The following TMEM135 variants were observed in gnomAD, a reference collection of about 807,000 sequenced individuals.
TMEM135 encodes the protein transmembrane protein 135, also known as peroxisomal membrane protein 52.
In TMEM135, 30 loss-of-function variants were observed where a neutral mutation model predicts 60.3. The observed-to-expected ratio is 0.50, with a 90% CI of 0.37 to 0.68. TMEM135 has a LOEUF of 0.68. Among genes scored for constraint, TMEM135 ranks in the 30% least tolerant of loss-of-function variants. The probability of loss-of-function intolerance (pLI) is 0.00; values close to 1 mark genes in which losing one functional copy is unlikely to be tolerated. For missense variants in TMEM135, 468 were observed against 548.8 expected, an observed-to-expected ratio of 0.85 and a Z score of 1.47; for synonymous variants, 190 against 186.7, an observed-to-expected ratio of 1.02 and a Z score of -0.14.
intron 5 of TMEM135, among the ~76,000 whole-genome samples, chr11:87,227,815 TGAA>T (rs1940797642): frequency 6.6e-6 from 1 of 152,198 alleles, no homozygotes; most frequent in African/African-American, 2.4e-5. Flanking sequence ...TCAGAAAAGT[TGAA>T]GATGCTTAGC....
intron 4 of TMEM135, among the ~76,000 whole-genome samples, chr11:87,154,606 G>A (rs1228011410): frequency 2.0e-5 from 3 of 152,246 alleles, no homozygotes; most frequent in South Asian, 2.1e-4. Context: ...GTGTACAAGG[G>A]TTCCAATTTC....
At chr11:87,058,515 G>C (rs935481364) in intron 1 of TMEM135, among the ~76,000 whole-genome samples, 10 of 152,204 alleles carry the variant, frequency 6.6e-5, no homozygotes, top group African/African-American at 2.2e-4. Context: ...ATTTTTAGTA[G>C]AGACTGGGTT....
intron 5 of TMEM135, among the ~76,000 whole-genome samples, chr11:87,230,472 C>G (rs1047357298): frequency 3.3e-5 from 5 of 152,120 alleles, no homozygotes; most frequent in African/African-American, 1.2e-4. Context: ...GCTAGTCACA[C>G]TATTAGGCTT....
chr11:87,073,338 A>G (rs1347279812), intron 3 of TMEM135, among the ~76,000 whole-genome samples: 1 of 152,106 alleles, frequency 6.6e-6, no homozygotes, highest in East Asian at 1.9e-4. Context: ...CGGCCCATGA[A>G]GCCACTCTTA....
intron 6 of TMEM135, among the ~76,000 whole-genome samples, chr11:87,266,510 A>G (rs908955352): frequency 1.3e-5 from 2 of 152,148 alleles, no homozygotes; most frequent in African/African-American, 4.8e-5. Flanking sequence ...CTGGCCATCA[A>G]ACTTTAGAAT....
At chr11:87,053,788 C>G (rs963253456) in intron 1 of TMEM135, among the ~76,000 whole-genome samples, 1 of 152,106 alleles carries the variant, frequency 6.6e-6, no homozygotes, top group African/African-American at 2.4e-5. Context: ...GTATTAAAGA[C>G]TTAATTTGAA....
chr11:87,298,797 A>AAAAAAC (rs1942393858), intron 7 of TMEM135, among the ~76,000 whole-genome samples: 1 of 136,224 alleles, frequency 7.3e-6, no homozygotes, highest in Non-Finnish European at 1.6e-5. Flanking sequence ...AAAAAAAAAA[A>AAAAAAC]AAAAAAACAG....
intron 1 of TMEM135, among the ~76,000 whole-genome samples, chr11:87,057,817 T>TTG (rs1555097132): frequency 1.3e-5 from 2 of 149,264 alleles, no homozygotes; most frequent in Non-Finnish European, 3.0e-5. Flanking sequence ...GTGTGTGTGT[T>TTG]TGTGTGTGTG....
intron 9 of TMEM135, among the ~76,000 whole-genome samples, chr11:87,306,802 A>G (rs1942552110): frequency 6.6e-6 from 1 of 151,886 alleles, no homozygotes; most frequent in African/African-American, 2.4e-5. Flanking sequence ...CACTGCAACC[A>G]CCATCTCCTA....
chr11:87,060,543 A>G (rs1949935801), intron 1 of TMEM135, among the ~76,000 whole-genome samples: 1 of 152,196 alleles, frequency 6.6e-6, no homozygotes, highest in African/African-American at 2.4e-5. Context: ...TGACTTCAAC[A>G]TCAATTGGTA....
intron 4 of TMEM135, among the ~76,000 whole-genome samples, chr11:87,144,832 A>G (rs1191417927): frequency 2.0e-5 from 3 of 151,872 alleles, no homozygotes; most frequent in African/African-American, 7.3e-5. Flanking sequence ...TTATAAATTC[A>G]CAATTCATAA....
At chr11:87,097,616 G>A (rs977010849) in intron 4 of TMEM135, among the ~76,000 whole-genome samples, 15 of 152,140 alleles carry the variant, frequency 9.9e-5, no homozygotes, top group African/African-American at 3.6e-4. Flanking sequence ...TTATGGGGGG[G>A]TCTTTATGTT....
At chr11:87,160,758 A>G (rs926335673) in intron 5 of TMEM135, among the ~76,000 whole-genome samples, 1 of 152,234 alleles carries the variant, frequency 6.6e-6, no homozygotes, top group African/African-American at 2.4e-5. Context: ...TAAAATGAAT[A>G]GGAAAAAAAT....
chr11:87,260,428 C>T (rs1016423449), intron 6 of TMEM135, among the ~76,000 whole-genome samples: 4 of 152,110 alleles, frequency 2.6e-5, no homozygotes, highest in Middle Eastern at 3.2e-3. Flanking sequence ...ATATGAAACA[C>T]GTAGAGACAT....
At chr11:87,059,619 C>G (rs1385677570) in intron 1 of TMEM135, among the ~76,000 whole-genome samples, 1 of 152,084 alleles carries the variant, frequency 6.6e-6, no homozygotes. Flanking sequence ...CCTGGCCTTT[C>G]CCAGATACTC....
rs553840798 is a variant in TMEM135, at chr11:87,149,032, T to TTGTGTG, written c.397-8281_397-8276dup. The stretch of plus-strand genomic sequence containing the variant: ...CTTAGCACCAAATCCCCCCATACCT[T>TTGTGTG]TGTGTGTGTGTGTGTGTGTGTGTGT... On this transcript the variant is annotated intron_variant, in intron 4 of 14. Coordinates refer to ENST00000305494, the MANE Select transcript of TMEM135 (RefSeq NM_022918.4). Among the ~76,000 whole-genome samples, 615 of 143,686 alleles carry TTGTGTG rather than the reference T, an allele frequency of 4.3e-3. 7 individuals carry two copies. The highest frequency in any genetic ancestry group is 0.024 in the South Asian group (106 of 4,486). The allele number at this position is 143,686 out of a possible 152,430, so 94.3% of individuals were successfully genotyped here. A position where few individuals can be genotyped will look rare whatever the true frequency, so the allele number is the denominator to read the frequency against.
chr11:87,231,314 TTTAA>T (rs1940884816), intron 5 of TMEM135, among the ~76,000 whole-genome samples: 1 of 152,124 alleles, frequency 6.6e-6, no homozygotes, highest in African/African-American at 2.4e-5. Context: ...ATTAGAGGTT[TTTAA>T]TTGAGTAGTT....
chr11:87,055,213 A>G (rs536408187), intron 1 of TMEM135, among the ~76,000 whole-genome samples: 45 of 152,324 alleles, frequency 3.0e-4, no homozygotes, highest in Middle Eastern at 3.4e-3. Context: ...AAATGCACAT[A>G]TATTAGGTTT....
chr11:87,289,429 C>A (rs1374462979), intron 6 of TMEM135, among the ~76,000 whole-genome samples: 4 of 138,104 alleles, frequency 2.9e-5, no homozygotes, highest in African/African-American at 8.3e-5. Context: ...TAACAAATAT[C>A]TCCATATCTT....
Sources: allele counts gnomAD v4.1 joint callset (sites outside exome capture counted in the v4.1 genomes callset), GRCh38; gene constraint gnomAD v4.1.1; transcripts MANE v1.5; gene names NCBI Gene and HGNC (gene_info 2026-07-23, HGNC 2026-07-21).